GNB1: variants seen among roughly 807,000 people sequenced by gnomAD.
GNB1 encodes the protein G protein subunit beta 1, also known as guanine nucleotide-binding protein G(I)/G(S)/G(T) subunit beta-1.
A neutral mutation model predicts 42.9 loss-of-function variants in GNB1; 2 were observed. That is an observed-to-expected ratio of 0.05 (90% confidence interval 0.02 to 0.15). GNB1 has a LOEUF of 0.15. Among genes scored for constraint, GNB1 ranks in the 10% least tolerant of loss-of-function variants. The probability of loss-of-function intolerance (pLI) is 1.00; values close to 1 mark genes in which losing one functional copy is unlikely to be tolerated. For missense variants in GNB1, 193 were observed against 462.2 expected (o/e 0.42, Z 5.34); for synonymous variants, 183 against 174.7 (o/e 1.05, Z -0.38).
At chr1:1,887,483 G>C (rs1049114865) in intron 1 of GNB1, among the ~76,000 whole-genome samples, 12 of 152,198 alleles carry the variant, frequency 7.9e-5, no homozygotes, top group African/African-American at 2.9e-4. Flanking sequence ...AGAGAACAAA[G>C]CTCTGGTACT....
At chr1:1,865,736 A>G (rs1648903014) in intron 1 of GNB1, among the ~76,000 whole-genome samples, 2 of 152,252 alleles carry the variant, frequency 1.3e-5, no homozygotes, top group Admixed American at 6.5e-5. Context: ...AAATTCCTGT[A>G]ATGTGCTCAT....
chr1:1,794,210 A>G (rs1161087498), intron 7 of GNB1: 1 of 152,202 alleles, frequency 6.6e-6, no homozygotes, highest in Non-Finnish European at 1.5e-5. Flanking sequence ...TCAGTCCGCA[A>G]TATCCACACA....
intron 1 of GNB1, among the ~76,000 whole-genome samples, chr1:1,885,031 T>C (rs1043969259): frequency 3.3e-5 from 5 of 152,118 alleles, no homozygotes; most frequent in Non-Finnish European, 7.4e-5. Flanking sequence ...AAGTCCTCTC[T>C]TGATATAATG....
At chr1:1,830,565 T>A (rs974642671) in intron 2 of GNB1, among the ~76,000 whole-genome samples, 20 of 151,952 alleles carry the variant, frequency 1.3e-4, no homozygotes, top group Middle Eastern at 3.2e-3. Context: ...TTACATTTTT[T>A]AAAAAAAATT....
intron 7 of GNB1, among the ~76,000 whole-genome samples, chr1:1,804,125 C>G (rs988624960): frequency 1.3e-5 from 2 of 150,884 alleles, no homozygotes; most frequent in African/African-American, 4.9e-5. Context: ...AACCCTGTCT[C>G]TACTAAAAAT....
At chr1:1,831,864 G>A (rs1223690283) in intron 2 of GNB1, among the ~76,000 whole-genome samples, 3 of 151,470 alleles carry the variant, frequency 2.0e-5, no homozygotes, top group African/African-American at 7.3e-5. Flanking sequence ...TTCAAGACCA[G>A]GCTGGGCAAC....
intron 2 of GNB1, among the ~76,000 whole-genome samples, chr1:1,836,387 CTTTTTTTTT>C (rs34812880): frequency 4.8e-4 from 41 of 85,162 alleles, no homozygotes; most frequent in East Asian, 3.4e-4. Flanking sequence ...CTTAATATTG[CTTTTTTTTT>C]TTTTTTTTTT....
At chr1:1,885,632 C>T (rs1271550953) in intron 1 of GNB1, among the ~76,000 whole-genome samples, 3 of 141,406 alleles carry the variant, frequency 2.1e-5, no homozygotes, top group South Asian at 2.3e-4. Flanking sequence ...TCTCGGCTCA[C>T]TGCAAGCTCC....
At chr1:1,885,980 C>A (rs973721232) in intron 1 of GNB1, among the ~76,000 whole-genome samples, 1 of 151,456 alleles carries the variant, frequency 6.6e-6, no homozygotes, top group Non-Finnish European at 1.5e-5. Flanking sequence ...ATGGTAGGCA[C>A]TGACACAAGA....
intron 2 of GNB1, among the ~76,000 whole-genome samples, chr1:1,831,137 C>G (rs559184071): frequency 6.6e-6 from 1 of 152,122 alleles, no homozygotes; most frequent in South Asian, 2.1e-4. Flanking sequence ...TGCACTCCAG[C>G]CTGGGTGACA....
intron 1 of GNB1, among the ~76,000 whole-genome samples, chr1:1,846,275 AG>A (rs1171974510): frequency 6.6e-6 from 1 of 151,916 alleles, no homozygotes; most frequent in African/African-American, 2.4e-5. Context: ...ACATAGAAGG[AG>A]TAAGATTTAG....
intron 5 of GNB1, among the ~76,000 whole-genome samples, chr1:1,809,295 C>A (rs988838880): frequency 6.6e-6 from 1 of 150,614 alleles, no homozygotes; most frequent in Non-Finnish European, 1.5e-5. Flanking sequence ...GTGCGTCAGC[C>A]TTCCCATTAG....
At chr1:1,880,545 C>A (rs1284180803) in intron 1 of GNB1, among the ~76,000 whole-genome samples, 1 of 151,790 alleles carries the variant, frequency 6.6e-6, no homozygotes, top group Non-Finnish European at 1.5e-5. Context: ...GAGATCGCGC[C>A]ACTGCACTCC....
At chr1:1,877,292 CTG>C (rs1557948537) in intron 1 of GNB1, among the ~76,000 whole-genome samples, 2 of 135,944 alleles carry the variant, frequency 1.5e-5, no homozygotes, top group African/African-American at 5.3e-5. Flanking sequence ...AAGTGAGACT[CTG>C]TCTCAAAAAA....
chr1:1,813,128 C>T (rs2100821703), intron 5 of GNB1, among the ~76,000 whole-genome samples: 1 of 152,146 alleles, frequency 6.6e-6, no homozygotes, highest in South Asian at 2.1e-4. Flanking sequence ...TAAATTCTAA[C>T]ATAGATAGAC....
At chr1:1,810,729 G>A (rs903863699) in intron 5 of GNB1, among the ~76,000 whole-genome samples, 1 of 151,242 alleles carries the variant, frequency 6.6e-6, no homozygotes, top group Non-Finnish European at 1.5e-5. Flanking sequence ...GTGCAGTGGT[G>A]CAATCTTGGC....
chr1:1,839,165 T>C (rs1327064681), intron 2 of GNB1, 25 bp downstream of exon 2: 1 of 152,176 alleles, frequency 6.6e-6, no homozygotes, highest in Non-Finnish European at 1.5e-5. Flanking sequence ...CTAAAACTGA[T>C]GAGGATCAAA....
chr1:1,885,499 T>TC (rs1335043739), intron 1 of GNB1, among the ~76,000 whole-genome samples: 6 of 151,716 alleles, frequency 4.0e-5, no homozygotes, highest in African/African-American at 1.5e-4. Context: ...AATGGGTCTT[T>TC]CTCAGAATTC....
chr1:1,840,610 C>T (rs1647217630), intron 1 of GNB1, among the ~76,000 whole-genome samples: 1 of 152,256 alleles, frequency 6.6e-6, no homozygotes, highest in Non-Finnish European at 1.5e-5. Flanking sequence ...CCAGACTTTG[C>T]CTGTTTGGCA....
Sources: gnomAD v4.1 joint callset for allele counts (sites outside exome capture counted in the v4.1 genomes callset) on GRCh38, gnomAD v4.1.1 for gene constraint, MANE v1.5 for transcripts, NCBI Gene and HGNC (gene_info 2026-07-23, HGNC 2026-07-21) for gene names.